The following RASSF3 variants were observed in gnomAD, a reference collection of about 807,000 sequenced individuals.
The protein encoded by RASSF3 is Ras association domain family member 3.
RASSF3 carries 19 observed loss-of-function variants against 19.9 expected under a neutral mutation model. The observed-to-expected ratio is 0.96, with a 90% confidence interval of 0.67 to 1.40. The LOEUF (loss-of-function observed/expected upper bound fraction) is 1.40, where lower values mean the gene tolerates loss of function less well. RASSF3 is among the 40% of genes most tolerant of loss of function. The pLI, the probability that RASSF3 is intolerant of heterozygous loss-of-function variation, is 0.00. For missense variants in RASSF3, 306 were observed against 289.8 expected (o/e 1.06, Z -0.41); for synonymous variants, 110 against 104.2 (o/e 1.06, Z -0.34).
downstream of RASSF3, among the ~76,000 whole-genome samples, chr12:64,543,472 CT>C (rs1868988525): frequency 1.1e-5 from 1 of 93,546 alleles, no homozygotes; most frequent in Admixed American, 9.5e-5. Context: ...CCCCACCCGC[CT>C]GCCCACCCCC....
chr12:64,581,107 T>A (rs1299184338), intron 2 of RASSF3, among the ~76,000 whole-genome samples: 11 of 148,676 alleles, frequency 7.4e-5, no homozygotes, highest in African/African-American at 2.6e-4. Context: ...AACATTACTG[T>A]GGTAAAAAAA....
chr12:64,572,682 G>A (rs138611389), intron 2 of RASSF3, among the ~76,000 whole-genome samples: 4 of 152,222 alleles, frequency 2.6e-5, no homozygotes, highest in Admixed American at 2.6e-4. Flanking sequence ...GTGAATAAAT[G>A]TACGAACGAA....
At position 64,684,876 on chromosome 12, in the gene RASSF3, C is replaced by T; in HGVS notation, c.201C>T (p.Asp67=). The T allele has an allele frequency of 6.2e-7, 1 of 1,607,948 alleles. No homozygotes were observed. Among genetic ancestry groups the T allele is most frequent in the Non-Finnish European group, 8.5e-7 (1 of 1,174,546 alleles). The change falls in exon 2 of 5, where the codon GAC becomes GAT. Residue 67 remains aspartate (D), a synonymous_variant. Coordinates refer to ENST00000542104, the MANE Select transcript of RASSF3 (RefSeq NM_178169.4). ...ATAAATACAACTTAGCAGTCACAGA[C>T]AAGTTGAAGATGACCTTGGTAAGCA... ...KVHKYNLAVT[D]KLKMTLNSNG...
intron 1 of RASSF3, among the ~76,000 whole-genome samples, chr12:64,617,088 T>G (rs1721421980): frequency 6.6e-6 from 1 of 152,244 alleles, no homozygotes; most frequent in African/African-American, 2.4e-5. Flanking sequence ...TCATTTTGGA[T>G]GGATGTCCCA....
chr12:64,576,772 G>C (rs1240564215), intron 2 of RASSF3, among the ~76,000 whole-genome samples: 1 of 150,494 alleles, frequency 6.6e-6, no homozygotes, highest in East Asian at 2.0e-4. Flanking sequence ...GGGAGCCTCA[G>C]CCTGGGAGGT....
At chr12:64,657,827 T>C (rs1309937551) in intron 1 of RASSF3, among the ~76,000 whole-genome samples, 1 of 152,200 alleles carries the variant, frequency 6.6e-6, no homozygotes, top group Non-Finnish European at 1.5e-5. Flanking sequence ...ATCCTAGCAC[T>C]TCCCAGTACT....
At chr12:64,593,303 C>G (rs1275022516) in intron 2 of RASSF3, among the ~76,000 whole-genome samples, 1 of 152,160 alleles carries the variant, frequency 6.6e-6, no homozygotes, top group Non-Finnish European at 1.5e-5. Flanking sequence ...CTCACTGCAA[C>G]CTCCGCTTCT....
Position 64,610,657 on chromosome 12 carries a change from G to C in RASSF3, c.25G>C (p.Glu9Gln). 2 of 1,588,436 alleles carry C rather than the reference G, an allele frequency of 1.3e-6. No individual in the cohort carries two copies. The highest frequency in any genetic ancestry group is 1.7e-6 in the Non-Finnish European group (2 of 1,169,830). Residue 9 changes from glutamate (E) to glutamine (Q), a missense_variant, in exon 1 of 5, where the codon GAG (glutamate) becomes CAG (glutamine). Coordinates refer to ENST00000542104, the MANE Select transcript of RASSF3 (RefSeq NM_178169.4). Reference protein sequence around the residue: MSSGYSSLEEDAEDFFFTA... With the variant: MSSGYSSLQEDAEDFFFTA... ...CATGAGCAGCGGCTACAGCAGCCTG[G>C]AGGAGGACGCCGAGGACTTCTTCTT...
chr12:64,691,562 G>T lies in RASSF3; in HGVS notation c.550G>T (p.Glu184Ter). The part of the protein sequence containing the change: ...RTDTLSFVLR[E>*]HEIGEWEAFS... ...AGACACACTTAGTTTTGTTCTTCGT[G>T]AACATGAAATTGGAGAGGTAAGTTA... The change falls in exon 4 of 5, where the codon GAA becomes TAA. Residue 184 changes from glutamate (E) to a stop codon, truncating the protein, a stop_gained. Coordinates refer to ENST00000542104, the MANE Select transcript of RASSF3 (RefSeq NM_178169.4). LOFTEE classifies it low-confidence loss of function (END_TRUNC). 1 of 1,601,324 alleles carries T rather than the reference G, an allele frequency of 6.2e-7. No individual in the cohort carries two copies. The highest frequency in any genetic ancestry group is 8.5e-7 in the Non-Finnish European group (1 of 1,172,534).
intron 2 of RASSF3, among the ~76,000 whole-genome samples, chr12:64,584,477 C>T (rs1869757977): frequency 6.8e-6 from 1 of 146,424 alleles, no homozygotes; most frequent in African/African-American, 2.6e-5. Flanking sequence ...GGTCTTGCTG[C>T]CTTCTACAAA....
chr12:64,565,971 T>G (rs537981236), intron 2 of RASSF3, among the ~76,000 whole-genome samples: 1 of 149,614 alleles, frequency 6.7e-6, no homozygotes, highest in African/African-American at 2.5e-5. Context: ...GAAGCCAAGG[T>G]GGGTGGATCA....
rs1565871069 is a variant in RASSF3 at position 64,684,792 on chromosome 12, TGAGA to T, written c.118_121del (p.Glu40LysfsTer23). 1 of 1,606,586 alleles carries T rather than the reference TGAGA, an allele frequency of 6.2e-7. No homozygotes were observed. Among genetic ancestry groups the T allele is most frequent in the Non-Finnish European group, 8.5e-7 (1 of 1,173,360 alleles). ...ATGTCTTGTTTTTCTTCTAGGATGT[TGAGA>T]AAGAGAAGGAAACCCACAGTTACCT... On this transcript the variant is annotated frameshift_variant, in exon 2 of 5. Transcript: ENST00000542104. LOFTEE classifies it high-confidence loss of function.
intron 2 of RASSF3, among the ~76,000 whole-genome samples, chr12:64,592,050 T>G (rs115025994): frequency 0.013 from 2,043 of 152,144 alleles, 51 homozygotes; most frequent in African/African-American, 0.046. Flanking sequence ...TACAGGCGTA[T>G]GCCACATGCC....
chr12:64,576,832 T>A (rs374834475), intron 2 of RASSF3, among the ~76,000 whole-genome samples: 1 of 128,340 alleles, frequency 7.8e-6, no homozygotes, highest in African/African-American at 3.1e-5. Flanking sequence ...GCCTGGGCAA[T>A]GGAGTGAGAC....
chr12:64,553,549 C>T (rs905469038), intron 2 of RASSF3, among the ~76,000 whole-genome samples: 7 of 152,318 alleles, frequency 4.6e-5, no homozygotes, highest in African/African-American at 1.7e-4. Flanking sequence ...TCACAGAAAT[C>T]ACCAAATCTC....
intron 2 of RASSF3, among the ~76,000 whole-genome samples, chr12:64,600,000 C>G (rs1024917935): frequency 6.8e-6 from 1 of 146,308 alleles, no homozygotes; most frequent in Non-Finnish European, 1.5e-5. Context: ...CCACTGCACC[C>G]CAGCCTGGGC....
chr12:64,668,274 T>TTCTTCTTCTTCTTCTTC (rs1323572304), intron 1 of RASSF3, among the ~76,000 whole-genome samples: 1 of 87,706 alleles, frequency 1.1e-5, no homozygotes, highest in Non-Finnish European at 3.0e-5. Flanking sequence ...TCTTCTTCTT[T>TTCTTCTTCTTCTTCTTC]TTTTTTTTTT....
rs936247667 is a variant in RASSF3, at chr12:64,551,826, C to T, written c.294+10121C>T. Among the ~76,000 whole-genome samples the T allele has an allele frequency of 1.5e-4, 23 of 152,238 alleles. 1 individual carries two copies. The highest frequency in any genetic ancestry group is 2.6e-4 in the Non-Finnish European group (18 of 68,028). ...ACAGCAGTCTTCAGTTAAAGAGAGG[C>T]GAACCAACTTGCCAAAGGTCCACAG... On this transcript the variant is annotated intron_variant, in intron 2 of 5. Coordinates refer to the RASSF3 transcript ENST00000637125.
intron 1 of RASSF3, among the ~76,000 whole-genome samples, chr12:64,508,887 A>AAAAAAC (rs902495543): frequency 5.9e-5 from 9 of 152,030 alleles, no homozygotes; most frequent in African/African-American, 1.7e-4. Flanking sequence ...ACTCCGTCTC[A>AAAAAAC]AAAAACAAAA....
Sources: allele counts gnomAD v4.1 joint callset (sites outside exome capture counted in the v4.1 genomes callset), GRCh38; gene constraint gnomAD v4.1.1; transcripts MANE v1.5; gene names NCBI Gene and HGNC (gene_info 2026-07-23, HGNC 2026-07-21).